HSH2D: variants seen among roughly 807,000 people sequenced by gnomAD.
HSH2D encodes the protein hematopoietic SH2 domain-containing protein.
Under a neutral mutation model 21.5 loss-of-function variants are expected in HSH2D, and 16 were observed. The ratio of observed to expected loss-of-function variants is 0.74; its 90% confidence interval spans 0.50 to 1.13. The LOEUF (loss-of-function observed/expected upper bound fraction) is 1.13, where lower values mean the gene tolerates loss of function less well. Among genes scored for constraint, HSH2D ranks in the 50% most tolerant of loss-of-function variants. HSH2D has a pLI of 0.00. For synonymous variants in HSH2D, 172 were observed against 184.7 expected, an observed-to-expected ratio of 0.93 and a Z score of 0.56; for missense variants, 418 against 441.4, an observed-to-expected ratio of 0.95 and a Z score of 0.47.
chr19:16,147,634 T>TTTTTGTTTTGTTTTG (rs377735759), intron 1 of HSH2D, among the ~76,000 whole-genome samples: 3 of 150,198 alleles, frequency 2.0e-5, no homozygotes, highest in African/African-American at 5.0e-5. Context: ...AGTGGTTTTT[T>TTTTTGTTTTGTTTTG]TTTTGTTTTG....
chr19:16,143,522 A>T, upstream of HSH2D: 1 of 274,600 alleles, frequency 3.6e-6, no homozygotes, highest in Non-Finnish European at 7.6e-6. Flanking sequence ...GGTGCTCAAT[A>T]ACAACTTGCT....
intron 1 of HSH2D, among the ~76,000 whole-genome samples, chr19:16,146,032 C>T (rs1027428510): frequency 4.0e-5 from 6 of 149,282 alleles, no homozygotes; most frequent in Admixed American, 6.7e-5. Flanking sequence ...GCTGAGATCG[C>T]GCCACTGCAC....
At chr19:16,152,723 T>C in intron 3 of HSH2D, 82 bp downstream of exon 3, 1 of 1,031,054 alleles carries the variant, frequency 9.7e-7, no homozygotes, top group Non-Finnish European at 1.5e-6. Flanking sequence ...CTTCATGTCA[T>C]AGCTTCTCAG....
chr19:16,149,310 C>A (rs1252589777), intron 2 of HSH2D, among the ~76,000 whole-genome samples: 1 of 152,190 alleles, frequency 6.6e-6, no homozygotes, highest in Non-Finnish European at 1.5e-5. Flanking sequence ...TCAAGTGATT[C>A]TTCCGCCTCA....
At chr19:16,141,429 T>C (rs561012403), upstream of HSH2D, among the ~76,000 whole-genome samples, 8 of 152,286 alleles carry the variant, frequency 5.3e-5, no homozygotes, top group South Asian at 8.3e-4. Flanking sequence ...TTTGTCTGCC[T>C]GGGGTACGAG....
chr19:16,148,617 A>G (rs1055064071), intron 1 of HSH2D, 107 bp from the exon 2 acceptor site: 10 of 1,098,900 alleles, frequency 9.1e-6, no homozygotes, highest in Non-Finnish European at 1.3e-5. Flanking sequence ...TGCTCTGTCC[A>G]CCCTGGAGGA....
In HSH2D at chr19:16,157,426, T is replaced by A. The variant is rs1426993225; in HGVS notation, c.691T>A (p.Ser231Thr). ...AAGCCACCTCGCCACTGTGAACTTG[T>A]CGTCACTCTTGGATGTCCGGAGATC... The part of the protein sequence containing the change: ...LKSHLATVNL[S>T]SLLDVRRSTV... Residue 231 changes from serine (S) to threonine (T), a missense_variant, in exon 6 of 6, where the codon TCG becomes ACG. By Grantham distance (58) the Ser-to-Thr change is moderately conservative (BLOSUM62 1). Transcript: ENST00000613986. This position sits in a 1 kb window ranked among gnomAD's most constrained non-coding sequence, Gnocchi z 4.4. The A allele has an allele frequency of 2.5e-6, 4 of 1,613,724 alleles. No homozygotes were observed. The highest frequency in any genetic ancestry group is 1.3e-5 in the African/African-American group (1 of 74,940).
rs2091246060 is a variant in HSH2D, at chr19:16,157,079, G to A, written c.475-131G>A. The A allele has an allele frequency of 1.5e-6, 1 of 670,646 alleles. No homozygotes were observed. Among genetic ancestry groups the A allele is most frequent in the African/African-American group, 1.8e-5 (1 of 54,520 alleles). The allele number at this position is 670,646 out of a possible 1,614,324, so 41.5% of individuals were successfully genotyped here. ...ACGAGAAAGATGGGGCATGGGATCA[G>A]GTTTGGGGGTTCACACGGGGACGTT... On this transcript the variant is annotated intron_variant, in intron 5 of 5. Transcript: ENST00000613986. The surrounding 1 kb of genome is among the most constrained non-coding windows in gnomAD (Gnocchi z 4.4).
upstream of HSH2D, among the ~76,000 whole-genome samples, chr19:16,143,322 G>C (rs999624272): frequency 3.3e-5 from 5 of 152,112 alleles, no homozygotes; most frequent in African/African-American, 1.2e-4. Flanking sequence ...GACCTCAAGT[G>C]ATCCGCCTGC....
Position 16,157,144 on chromosome 19 carries a change from T to C in HSH2D, c.475-66T>C. 9 of 1,378,182 alleles carry C rather than the reference T, an allele frequency of 6.5e-6. No homozygotes were observed. The highest frequency in any genetic ancestry group is 4.9e-6 in the Non-Finnish European group (5 of 1,020,184). 85.4% of individuals were successfully genotyped at this position (1,378,182 alleles called of 1,614,324 possible). On this transcript the variant is annotated intron_variant, in intron 5 of 5. Transcript: ENST00000613986. This position sits in a 1 kb window ranked among gnomAD's most constrained non-coding sequence, Gnocchi z 4.4. ...TGTCTGGGTGGAACCCAGGCTCCAA[T>C]TTCTGGGACAGACATGGTGCTCTGG...
upstream of HSH2D, among the ~76,000 whole-genome samples, chr19:16,140,319 A>G (rs1388125083): frequency 6.6e-6 from 1 of 151,996 alleles, no homozygotes; most frequent in African/African-American, 2.4e-5. Context: ...ATAAAAAATA[A>G]AAATAAATAA....
chr19:16,148,639 A>C, intron 1 of HSH2D, 85 bp from the exon 2 acceptor site: 1 of 1,368,868 alleles, frequency 7.3e-7, no homozygotes, highest in Non-Finnish European at 1.0e-6. Flanking sequence ...TTCTCAAAGG[A>C]GGAGGCACCA....
At position 16,157,681 on chromosome 19, in the gene HSH2D, G is replaced by T; in HGVS notation, c.946G>T (p.Ala316Ser). The T allele has an allele frequency of 6.2e-7, 1 of 1,613,320 alleles. No homozygotes were observed. Among genetic ancestry groups the T allele is most frequent in the Non-Finnish European group, 8.5e-7 (1 of 1,179,640 alleles). Residue 316 changes from alanine to serine, a missense_variant, in exon 6 of 6, where the codon GCC (alanine) becomes TCC (serine). Transcript: ENST00000613986. This position sits in a 1 kb window ranked among gnomAD's most constrained non-coding sequence, Gnocchi z 4.4. ...DRSWHQMVVRALSSQESKPEH... is the reference protein window; with the variant it reads ...DRSWHQMVVRSLSSQESKPEH... ...GAGTTGGCACCAAATGGTAGTGAGAGCCCTATCCTCCCAGGAGTCCAAGCC... is the reference window on the plus strand; with the variant it reads ...GAGTTGGCACCAAATGGTAGTGAGATCCCTATCCTCCCAGGAGTCCAAGCC...
In HSH2D at chr19:16,157,969, G is replaced by T; in HGVS notation, c.*175G>T. 1 of 552,100 alleles carries T rather than the reference G, an allele frequency of 1.8e-6. No homozygotes were observed. Among genetic ancestry groups the T allele is most frequent in the South Asian group, 2.6e-5 (1 of 38,474 alleles). The allele number at this position is 552,100 out of a possible 1,614,324, so 34.2% of individuals were successfully genotyped here. A position where few individuals can be genotyped will look rare whatever the true frequency, so the allele number is the denominator to read the frequency against. ...CTGCACTCACCCATGGGGTGAGCTG[G>T]TTATTTTAGCAACAATCATCAGAGT... On this transcript the variant is annotated 3_prime_UTR_variant, in exon 6 of 6. Transcript: ENST00000613986. The surrounding 1 kb of genome is among the most constrained non-coding windows in gnomAD (Gnocchi z 4.4).
At chr19:16,153,256 GC>G (rs2091189028) in intron 4 of HSH2D, 48 bp downstream of exon 4, 4 of 1,454,234 alleles carry the variant, frequency 2.8e-6, no homozygotes, top group Non-Finnish European at 2.7e-6. Context: ...TTGGGGCCAA[GC>G]CCCCCAGACC....
chr19:16,154,352 C>G, intron 4 of HSH2D, 47 bp from the exon 5 acceptor site: 1 of 1,368,492 alleles, frequency 7.3e-7, no homozygotes, highest in Admixed American at 2.1e-5. Context: ...CGTGCAGGAC[C>G]TTTCCCCCTC....
At chr19:16,134,621 G>T (rs1046748487) in intron 1 of HSH2D, among the ~76,000 whole-genome samples, 2 of 151,926 alleles carry the variant, frequency 1.3e-5, no homozygotes, top group African/African-American at 4.8e-5. Context: ...TGTCTCATCG[G>T]CACCGTAAGC....
chr19:16,147,618 C>T (rs1233264533), intron 1 of HSH2D, among the ~76,000 whole-genome samples: 2 of 151,782 alleles, frequency 1.3e-5, no homozygotes, highest in East Asian at 3.9e-4. Flanking sequence ...CAAAAAATCA[C>T]AAGCCAGTGG....
At chr19:16,147,432 C>T (rs1327328360) in intron 1 of HSH2D, among the ~76,000 whole-genome samples, 1 of 143,854 alleles carries the variant, frequency 7.0e-6, no homozygotes, top group African/African-American at 2.6e-5. Context: ...TGCAGTGAGC[C>T]AAGATGGGGC....
Sources: allele counts gnomAD v4.1 joint callset (sites outside exome capture counted in the v4.1 genomes callset), GRCh38; gene constraint gnomAD v4.1.1; non-coding constraint Gnocchi (gnomAD v3.1); transcripts MANE v1.5; gene names NCBI Gene and HGNC (gene_info 2026-07-23, HGNC 2026-07-21).